RNGTT: variants seen among roughly 807,000 people sequenced by gnomAD.
RNGTT encodes mRNA-capping enzyme.
Under a neutral mutation model 79.3 loss-of-function variants are expected in RNGTT, and 33 were observed. That is an observed-to-expected ratio of 0.42 (90% CI 0.32 to 0.56). The LOEUF (loss-of-function observed/expected upper bound fraction) is 0.56. Ranked by LOEUF, RNGTT falls within the 20% of genes least tolerant of loss-of-function variation. The probability of loss-of-function intolerance (pLI) is 0.17; values close to 1 mark genes in which losing one functional copy is unlikely to be tolerated. For synonymous variants in RNGTT, 222 were observed against 235.9 expected, an observed-to-expected ratio of 0.94 and a Z score of 0.54; for missense variants, 497 against 739.1, an observed-to-expected ratio of 0.67 and a Z score of 3.80.
At chr6:88,779,764 G>T (rs1481360312) in intron 12 of RNGTT, among the ~76,000 whole-genome samples, 1 of 152,156 alleles carries the variant, frequency 6.6e-6, no homozygotes, top group Admixed American at 6.5e-5. Context: ...AAGCCAAGGC[G>T]GGCAGATCAC....
At chr6:88,921,133 CTTTCA>C (rs1784151612) in intron 4 of RNGTT, among the ~76,000 whole-genome samples, 1 of 152,002 alleles carries the variant, frequency 6.6e-6, no homozygotes, top group Non-Finnish European at 1.5e-5. Flanking sequence ...TTTTATAGTA[CTTTCA>C]TTTATTTTTA....
chr6:88,685,410 T>C (rs930280214), intron 13 of RNGTT, among the ~76,000 whole-genome samples: 1 of 152,104 alleles, frequency 6.6e-6, no homozygotes, highest in Non-Finnish European at 1.5e-5. Context: ...CTCTGCACTT[T>C]GTTTAATTTT....
chr6:88,770,356 G>A (rs1289280958), intron 12 of RNGTT, among the ~76,000 whole-genome samples: 1 of 152,122 alleles, frequency 6.6e-6, no homozygotes, highest in African/African-American at 2.4e-5. Flanking sequence ...ACAGTGATCT[G>A]CTTTCTACGA....
chr6:88,734,688 G>C (rs909590508), intron 13 of RNGTT, among the ~76,000 whole-genome samples: 1 of 152,086 alleles, frequency 6.6e-6, no homozygotes, highest in South Asian at 2.1e-4. Flanking sequence ...CTGACTTAAC[G>C]ACAGTTGAAA....
At position 88,906,560 on chromosome 6, in the gene RNGTT, A is replaced by C. The variant is rs1347099744; in HGVS notation, c.368-120T>G. The C allele has an allele frequency of 5.0e-6, 3 of 602,862 alleles. No homozygotes were observed. In the East Asian group the frequency reaches 8.8e-5, roughly 18 times the overall value. 37.3% of individuals were successfully genotyped at this position (602,862 alleles called of 1,614,324 possible). On this transcript the variant is annotated intron_variant, in intron 4 of 15. Transcript: ENST00000369485. Reference sequence around the variant, plus strand: ...AGTTTATAAAATAATTACATTTTTTAATTTTTTAACTTGAAACACCCTTAT... The same window carrying C: ...AGTTTATAAAATAATTACATTTTTTCATTTTTTAACTTGAAACACCCTTAT...
At chr6:88,666,706 G>A (rs1369730176) in intron 14 of RNGTT, among the ~76,000 whole-genome samples, 1 of 152,220 alleles carries the variant, frequency 6.6e-6, no homozygotes, top group African/African-American at 2.4e-5. Context: ...GGAGCTGTAT[G>A]TGGACGGAAG....
chr6:88,890,596 C>A lies in RNGTT; in HGVS notation c.795G>T (p.Gly265=), dbSNP rs770515126. 4.5e-5 allele frequency: 73 copies of A among 1,608,746 alleles called. No homozygotes were observed. Among genetic ancestry groups the A allele is most frequent in the Non-Finnish European group, 6.0e-5 (71 of 1,176,116 alleles). Residue 265 remains glycine, a splice_region_variant and synonymous_variant, in exon 8 of 16, where the codon GGG becomes GGT. Coordinates refer to ENST00000369485, the MANE Select transcript of RNGTT (RefSeq NM_003800.5). ...CAGGCTGTGCTCCAGGGAATCCAGA[C>A]CTTAAAGAAGAACACAGTATTACTA... ...QKCHQFCGWE[G]SGFPGAQPVS...
chr6:88,666,076 A>T (rs1387364443), intron 14 of RNGTT, among the ~76,000 whole-genome samples: 2 of 152,130 alleles, frequency 1.3e-5, no homozygotes, highest in Non-Finnish European at 2.9e-5. Context: ...CAGGTTATGG[A>T]TCCCAAATTT....
intron 8 of RNGTT, among the ~76,000 whole-genome samples, chr6:88,859,041 G>T (rs1369811706): frequency 6.6e-6 from 1 of 151,600 alleles, no homozygotes; most frequent in Non-Finnish European, 1.5e-5. Context: ...ACCCAGGCTG[G>T]AGTGCAGTGG....
chr6:88,803,563 T>G, intron 11 of RNGTT, among the ~76,000 whole-genome samples: 1 of 116,330 alleles, frequency 8.6e-6, no homozygotes, highest in East Asian at 2.3e-4. Context: ...GGCAACAGAG[T>G]GAGACTCCAT....
intron 1 of RNGTT, among the ~76,000 whole-genome samples, chr6:88,952,367 C>A (rs191421219): frequency 6.6e-6 from 1 of 152,260 alleles, no homozygotes; most frequent in African/African-American, 2.4e-5. Flanking sequence ...GACAGAAATT[C>A]TTGGGAGCTT....
At chr6:88,958,367 G>A (rs1389741511) in intron 1 of RNGTT, among the ~76,000 whole-genome samples, 1 of 152,052 alleles carries the variant, frequency 6.6e-6, no homozygotes, top group African/African-American at 2.4e-5. Context: ...AAAATAAATA[G>A]ATGGAACCTA....
chr6:88,738,830 T>C (rs1182775518), intron 13 of RNGTT, among the ~76,000 whole-genome samples: 20 of 135,362 alleles, frequency 1.5e-4, no homozygotes, highest in Non-Finnish European at 1.6e-5. Flanking sequence ...CTAAAGTCTA[T>C]AAATAAAATA....
At chr6:88,873,882 G>C (rs1425050937) in intron 8 of RNGTT, among the ~76,000 whole-genome samples, 1 of 152,118 alleles carries the variant, frequency 6.6e-6, no homozygotes, top group Non-Finnish European at 1.5e-5. Context: ...GTAAGATATA[G>C]ACATACTCAT....
intron 12 of RNGTT, among the ~76,000 whole-genome samples, chr6:88,794,329 G>T (rs77056432): frequency 6.6e-6 from 1 of 152,118 alleles, no homozygotes; most frequent in African/African-American, 2.4e-5. Context: ...AAGGAAAAAA[G>T]ATAACAGCAT....
At chr6:88,932,664 G>GATCGTCTATCA (rs1784547579) in intron 2 of RNGTT, among the ~76,000 whole-genome samples, 1 of 152,076 alleles carries the variant, frequency 6.6e-6, no homozygotes, top group East Asian at 1.9e-4. Flanking sequence ...TTGGGGGCTG[G>GATCGTCTATCA]TTCCCCCAAC....
intron 14 of RNGTT, among the ~76,000 whole-genome samples, chr6:88,669,113 T>A (rs1030461361): frequency 6.6e-6 from 1 of 152,058 alleles, no homozygotes; most frequent in Non-Finnish European, 1.5e-5. Flanking sequence ...AATGTAAACC[T>A]AGGAATTGAT....
chr6:88,675,154 C>CA (rs145875527), intron 14 of RNGTT, among the ~76,000 whole-genome samples: 3,717 of 149,114 alleles, frequency 0.025, 133 homozygotes, highest in African/African-American at 0.086. Flanking sequence ...CAGAAAGTTA[C>CA]AAAAAAAAAC....
intron 11 of RNGTT, among the ~76,000 whole-genome samples, chr6:88,834,063 T>C (rs1268261295): frequency 6.6e-6 from 1 of 152,188 alleles, no homozygotes; most frequent in East Asian, 1.9e-4. Flanking sequence ...AATCATCATT[T>C]TCCTCTGAAT....
Sources: allele counts gnomAD v4.1 joint callset (sites outside exome capture counted in the v4.1 genomes callset), GRCh38; gene constraint gnomAD v4.1.1; transcripts MANE v1.5; gene names NCBI Gene and HGNC (gene_info 2026-07-23, HGNC 2026-07-21).